TPO: variants seen among roughly 807,000 people sequenced by gnomAD.
TPO encodes thyroid microsomal antigen.
Under a neutral mutation model 96.9 loss-of-function variants are expected in TPO, and 78 were observed. That is an observed-to-expected ratio of 0.81 (90% CI 0.67 to 0.97). The LOEUF (loss-of-function observed/expected upper bound fraction) is 0.97, where lower values mean the gene tolerates loss of function less well. Among genes scored for constraint, TPO ranks in the 50% least tolerant of loss-of-function variants. The probability of loss-of-function intolerance (pLI) is 0.00; values close to 1 mark genes in which losing one functional copy is unlikely to be tolerated. For missense variants in TPO, 1,252 were observed against 1,274.8 expected, an observed-to-expected ratio of 0.98 and a Z score of 0.27; for synonymous variants, 547 against 538.0, an observed-to-expected ratio of 1.02 and a Z score of -0.23.
chr2:1,428,260 G>A (rs1664630248), intron 3 of TPO, among the ~76,000 whole-genome samples: 1 of 152,164 alleles, frequency 6.6e-6, no homozygotes, highest in South Asian at 2.1e-4. Context: ...CCCATGGCTG[G>A]GGCCCCTGGG....
At chr2:1,427,694 C>A (rs1486900280) in intron 3 of TPO, among the ~76,000 whole-genome samples, 1 of 152,176 alleles carries the variant, frequency 6.6e-6, no homozygotes, top group Non-Finnish European at 1.5e-5. Flanking sequence ...GTCCGGGAGA[C>A]CAGAGGCCGA....
At chr2:1,397,803 C>T (rs191648808) in intron 1 of TPO, among the ~76,000 whole-genome samples, 4 of 152,236 alleles carry the variant, frequency 2.6e-5, no homozygotes, top group African/African-American at 9.6e-5. Flanking sequence ...TGTGTGTTTT[C>T]CGATCCTCTC....
chr2:1,381,480 G>A (rs186350894), intron 1 of TPO, among the ~76,000 whole-genome samples: 1 of 152,262 alleles, frequency 6.6e-6, no homozygotes, highest in East Asian at 1.9e-4. Context: ...GGTGGTGCCA[G>A]ATACTACCTG....
intron 15 of TPO, among the ~76,000 whole-genome samples, chr2:1,537,812 CCCCCCACTGTGAGCAACCTCCTCAAA>C: frequency 1.0e-5 from 1 of 95,364 alleles, no homozygotes; most frequent in Non-Finnish European, 2.2e-5. Context: ...GTCCCCAAAT[CCCCCCACTGTGAGCAACCTCCTCAAA>C]TCCCCCCACT....
chr2:1,379,311 A>T (rs1464727490), intron 1 of TPO, among the ~76,000 whole-genome samples: 1 of 152,180 alleles, frequency 6.6e-6, no homozygotes, highest in Non-Finnish European at 1.5e-5. Flanking sequence ...TCTCAAAAAA[A>T]TGAGTGAAGG....
intron 15 of TPO, among the ~76,000 whole-genome samples, chr2:1,526,346 A>ACCT (rs56798997): frequency 0.44 from 20,067 of 46,014 alleles, 4,238 homozygotes; most frequent in Non-Finnish European, 0.47. Flanking sequence ...AGTGTGTGCA[A>ACCT]CCTCAATTCC....
intron 14 of TPO, among the ~76,000 whole-genome samples, chr2:1,509,702 C>T (rs935178067): frequency 6.6e-6 from 1 of 151,486 alleles, no homozygotes; most frequent in Non-Finnish European, 1.5e-5. Context: ...TTCAGGCACA[C>T]CCCCCTTCTT....
chr2:1,440,526 T>C (rs1277738113), intron 5 of TPO, among the ~76,000 whole-genome samples: 1 of 151,364 alleles, frequency 6.6e-6, no homozygotes, highest in Admixed American at 6.6e-5. Flanking sequence ...CCGCAGGAGC[T>C]ACCTTGTTGA....
chr2:1,532,123 G>A (rs1678419850), intron 15 of TPO, among the ~76,000 whole-genome samples: 1 of 89,000 alleles, frequency 1.1e-5, no homozygotes, highest in Non-Finnish European at 2.1e-5. Context: ...CCCCCACTGT[G>A]CGCAACCTCC....
intron 1 of TPO, among the ~76,000 whole-genome samples, chr2:1,399,072 C>T (rs1662126935): frequency 6.6e-6 from 1 of 152,236 alleles, no homozygotes; most frequent in Non-Finnish European, 1.5e-5. Context: ...GCCCCACCTT[C>T]CCTGCAGGTG....
chr2:1,431,251 T>C (rs915005703), intron 3 of TPO, among the ~76,000 whole-genome samples: 1 of 152,072 alleles, frequency 6.6e-6, no homozygotes, highest in African/African-American at 2.4e-5. Flanking sequence ...TTGTTTTACG[T>C]TGTGTGGCAC....
intron 5 of TPO, chr2:1,438,882 G>A (rs993000244): frequency 1.4e-6 from 1 of 716,650 alleles, no homozygotes; most frequent in South Asian, 1.5e-5. Flanking sequence ...GAACCTTCCA[G>A]CAGGACAGAC....
chr2:1,530,435 C>T (rs1480043206), intron 15 of TPO, among the ~76,000 whole-genome samples: 1 of 149,806 alleles, frequency 6.7e-6, no homozygotes, highest in Non-Finnish European at 1.5e-5. Flanking sequence ...ATCCCCACCA[C>T]TGTGTGCAAC....
At chr2:1,438,054 G>T (rs2148508622) in intron 5 of TPO, among the ~76,000 whole-genome samples, 1 of 152,170 alleles carries the variant, frequency 6.6e-6, no homozygotes, top group African/African-American at 2.4e-5. Context: ...GGGTGGAGGA[G>T]GGCAGGGGGT....
intron 14 of TPO, among the ~76,000 whole-genome samples, chr2:1,510,038 A>G (rs989718278): frequency 9.2e-5 from 14 of 151,822 alleles, no homozygotes; most frequent in African/African-American, 3.1e-4. Flanking sequence ...TCCCCCTCAC[A>G]CTCATTGTTT....
intron 5 of TPO, among the ~76,000 whole-genome samples, chr2:1,438,057 CA>C (rs1336209718): frequency 5.3e-5 from 8 of 151,688 alleles, no homozygotes; most frequent in African/African-American, 1.7e-4. Context: ...TGGAGGAGGG[CA>C]GGGGGTAGGT....
rs752186346 is a variant in TPO, at chr2:1,484,898, CTTCT to C, written c.1597+47_1597+50del. ...TGCAGCTGGTCCCCATGAACTCTTC[CTTCT>C]TTTTTTAATTTTTTTAAATTATATT... is the stretch of plus-strand genomic sequence containing the variant. On this transcript the variant is annotated intron_variant, in intron 9 of 16. Coordinates refer to ENST00000329066, the MANE Select transcript of TPO (RefSeq NM_001206744.2). 1.5e-5 allele frequency: 24 copies of C among 1,609,142 alleles called. No homozygotes were observed. The South Asian group carries it at 2.7e-4, about 18-fold the overall frequency.
chr2:1,442,734 C>T (rs1043814927), intron 5 of TPO, among the ~76,000 whole-genome samples: 5 of 152,188 alleles, frequency 3.3e-5, no homozygotes, highest in East Asian at 1.9e-4. Flanking sequence ...CTCAAATTCT[C>T]TGCACCTGGA....
At chr2:1,536,229 C>A (rs1214384813) in intron 15 of TPO, among the ~76,000 whole-genome samples, 1 of 23,566 alleles carries the variant, frequency 4.2e-5, no homozygotes. Context: ...CCACTGTGTG[C>A]AACCTCCCCA....
Sources: allele counts gnomAD v4.1 joint callset (sites outside exome capture counted in the v4.1 genomes callset), GRCh38; gene constraint gnomAD v4.1.1; transcripts MANE v1.5; gene names NCBI Gene and HGNC (gene_info 2026-07-23, HGNC 2026-07-21).